UFL1: variants seen among roughly 807,000 people sequenced by gnomAD.
UFL1 encodes the protein UFM1 specific ligase 1.
Under a neutral mutation model 99.3 loss-of-function variants are expected in UFL1, and 78 were observed. The ratio of observed to expected loss-of-function variants is 0.79; its 90% CI spans 0.65 to 0.95. UFL1 has a LOEUF of 0.95. Among genes scored for constraint, UFL1 ranks in the 40% least tolerant of loss-of-function variants. The pLI, the probability that UFL1 is intolerant of heterozygous loss-of-function variation, is 0.00. For synonymous variants in UFL1, 335 were observed against 322.2 expected (o/e 1.04, Z -0.42); for missense variants, 936 against 937.0 (o/e 1.00, Z 0.01).
At position 96,554,871 on chromosome 6, in the gene UFL1, T is replaced by A. The variant is rs1474207466; in HGVS notation, c.*1368T>A. ...GGCAAAGGGAAAAAATGATAAATCC[T>A]CTGTAATCACAAACCCCAATTTCGT... On this transcript the variant is annotated 3_prime_UTR_variant, in exon 19 of 19. Coordinates refer to ENST00000369278, the MANE Select transcript of UFL1 (RefSeq NM_015323.5). 6.6e-6 allele frequency: 1 copy of A among 152,590 alleles called. No homozygotes were observed. The highest frequency in any genetic ancestry group is 2.4e-5 in the African/African-American group (1 of 41,460). 9.5% of individuals were successfully genotyped at this position (152,590 alleles called of 1,614,324 possible).
rs767865199 is a variant in UFL1, at chr6:96,542,997, A to C, written c.1383A>C (p.Glu461Asp). 2.5e-6 allele frequency: 4 copies of C among 1,596,718 alleles called. No homozygotes were observed. In the South Asian group the frequency reaches 3.4e-5, roughly 14 times the overall value. The change falls in exon 12 of 19, where the codon GAA becomes GAC. Residue 461 changes from glutamate (E) to aspartate (D), a missense_variant. Transcript: ENST00000369278. Reference sequence around the variant, plus strand: ...GAAAAGATGATGATAGTGATGATGAATCTCAATCATCCCACACTGGTAGGT... The same window carrying C: ...GAAAAGATGATGATAGTGATGATGACTCTCAATCATCCCACACTGGTAGGT... ...KGRKDDDSDD[E>D]SQSSHTGKKK...
chr6:96,528,327 T>TA (rs1049672025), intron 5 of UFL1, among the ~76,000 whole-genome samples, 175 bp from the exon 6 acceptor site: 4 of 152,226 alleles, frequency 2.6e-5, no homozygotes, highest in Admixed American at 6.5e-5. Flanking sequence ...TAGTGAACTT[T>TA]GCTAGACACT....
intron 10 of UFL1, 120 bp downstream of exon 10, chr6:96,538,930 T>A (rs1447682059): frequency 2.1e-5 from 18 of 870,488 alleles, no homozygotes; most frequent in Non-Finnish European, 2.3e-5. Flanking sequence ...ATTATTTTCC[T>A]TTAATGTATC....
In UFL1 at chr6:96,552,508, C is replaced by T. The variant is rs1770097433; in HGVS notation, c.2012C>T (p.Ala671Val). The change falls in exon 18 of 19, where the codon GCA (alanine) becomes GTA (valine). Residue 671 changes from alanine to valine, a missense_variant. Transcript: ENST00000369278. ...CAGATACTGTTCCAACATCGACAAG[C>T]ACTGGCTGAACAGCTAAAGGTCACA... ...ERQILFQHRQ[A>V]LAEQLKVTED... The T allele has an allele frequency of 6.3e-7, 1 of 1,596,398 alleles. No individual in the cohort carries two copies. Among genetic ancestry groups the T allele is most frequent in the Admixed American group, 1.8e-5 (1 of 56,418 alleles).
intron 12 of UFL1, among the ~76,000 whole-genome samples, chr6:96,543,514 A>G (rs1192250026): frequency 6.6e-6 from 1 of 151,294 alleles, no homozygotes; most frequent in African/African-American, 2.4e-5. Flanking sequence ...AAAAGTGATA[A>G]CACTGAAAAT....
intron 7 of UFL1, 47 bp downstream of exon 7, chr6:96,534,368 CTATT>C: frequency 1.5e-6 from 2 of 1,308,802 alleles, no homozygotes; most frequent in Non-Finnish European, 2.1e-6. Flanking sequence ...GCTGAATAGA[CTATT>C]AATGTAAAAC....
chr6:96,551,282 T>C (rs1395106325), intron 15 of UFL1, 151 bp from the exon 16 acceptor site: 1 of 521,528 alleles, frequency 1.9e-6, no homozygotes, highest in Non-Finnish European at 3.4e-6. Context: ...CTATTGACTC[T>C]AATAATGTTT....
At chr6:96,549,156 T>C (rs1406188378) in intron 13 of UFL1, among the ~76,000 whole-genome samples, 1 of 151,736 alleles carries the variant, frequency 6.6e-6, no homozygotes, top group African/African-American at 2.4e-5. Flanking sequence ...TTTTGAATTA[T>C]GGGGGTTTTG....
intron 11 of UFL1, 40 bp from the exon 12 acceptor site, chr6:96,542,854 T>G: frequency 6.7e-7 from 1 of 1,498,210 alleles, no homozygotes; most frequent in South Asian, 1.4e-5. Flanking sequence ...AAAATGATGA[T>G]TTAGTTAGGT....
chr6:96,537,448 C>T lies in UFL1; in HGVS notation c.877C>T (p.Leu293Phe), dbSNP rs1562253742. ...AAAGAAAAGATATAAGACTACACAA[C>T]TCTTGTTTTTGAAAGCAGCTTGTGT... ...YIKKRYKTTQ[L>F]LFLKAACVGQ... Residue 293 changes from leucine (L) to phenylalanine (F), a missense_variant, in exon 9 of 19, where the codon CTC becomes TTC. Transcript: ENST00000369278. The T allele has an allele frequency of 6.2e-6, 10 of 1,610,164 alleles. No individual in the cohort carries two copies. The highest frequency in any genetic ancestry group is 8.5e-6 in the Non-Finnish European group (10 of 1,177,942).
intron 12 of UFL1, among the ~76,000 whole-genome samples, chr6:96,544,669 T>C (rs958757840): frequency 5.3e-5 from 8 of 151,096 alleles, no homozygotes; most frequent in African/African-American, 1.9e-4. Context: ...AACTACTAGC[T>C]TTATCCTTAT....
At chr6:96,552,872 TA>T (rs2127954037) in intron 18 of UFL1, among the ~76,000 whole-genome samples, 3 of 152,210 alleles carry the variant, frequency 2.0e-5, no homozygotes, top group Admixed American at 2.0e-4. Flanking sequence ...ATTTGGAAAT[TA>T]AGCTTTCAGA....
At chr6:96,535,955 A>C (rs1769846665) in intron 7 of UFL1, among the ~76,000 whole-genome samples, 1 of 152,040 alleles carries the variant, frequency 6.6e-6, no homozygotes. Flanking sequence ...TTTCACCAAA[A>C]TTACTCAAAC....
chr6:96,529,643 C>G (rs1769753173), intron 6 of UFL1, among the ~76,000 whole-genome samples: 1 of 152,176 alleles, frequency 6.6e-6, no homozygotes, highest in African/African-American at 2.4e-5. Context: ...GTTACCTTTT[C>G]TAGCTCTTTC....
chr6:96,549,521 G>A lies in UFL1; in HGVS notation c.1630G>A (p.Val544Ile). ...CACAATCAAGGACTTGCAAGAAGAA[G>A]TTTCAAACCTGTACAATAACATTAG... ...KRTIKDLQEE[V>I]SNLYNNIRLF... Residue 544 changes from valine to isoleucine, a missense_variant, in exon 14 of 19, where the codon GTT (valine) becomes ATT (isoleucine). Val to Ile is a conservative substitution (Grantham distance 29). Coordinates refer to ENST00000369278, the MANE Select transcript of UFL1 (RefSeq NM_015323.5). 6.3e-7 allele frequency: 1 copy of A among 1,594,062 alleles called. No homozygotes were observed. The highest frequency in any genetic ancestry group is 8.5e-7 in the Non-Finnish European group (1 of 1,173,850).
At position 96,526,919 on chromosome 6, in the gene UFL1, C is replaced by T. The variant is rs953660164; in HGVS notation, c.465+484C>T. ...ATCCTACAATGTACAGAACATCCTG[C>T]CAACAAAGAATTTTTTTGTTCCAAC... On this transcript the variant is annotated intron_variant, in intron 5 of 18. Coordinates refer to ENST00000369278, the MANE Select transcript of UFL1 (RefSeq NM_015323.5). 5.9e-5 allele frequency among the ~76,000 whole-genome samples: 9 copies of T among 152,248 alleles called. No homozygotes were observed. The East Asian group carries it at 1.7e-3, about 29-fold the overall frequency.
chr6:96,538,658 G>T lies in UFL1; in HGVS notation c.1006G>T (p.Glu336Ter), dbSNP rs778907687. ...APLLPTSLSV[E>*]DAAILLQQVM... ...TCTGCTACCCACTTCTTTATCAGTT[G>T]AAGATGCTGCCATATTGCTTCAGCA... Residue 336 changes from glutamate to a stop codon, truncating the protein, a stop_gained, in exon 10 of 19, where the codon GAA (glutamate) becomes TAA (stop). Coordinates refer to ENST00000369278, the MANE Select transcript of UFL1 (RefSeq NM_015323.5). LOFTEE classifies it high-confidence loss of function. The T allele has an allele frequency of 4.3e-5, 69 of 1,610,826 alleles. No individual in the cohort carries two copies. The highest frequency in any genetic ancestry group is 5.8e-5 in the Non-Finnish European group (68 of 1,177,950).
At position 96,548,213 on chromosome 6, in the gene UFL1, T is replaced by A. The variant is rs752381197; in HGVS notation, c.1452T>A (p.Asp484Glu). The change falls in exon 13 of 19, where the codon GAT (aspartate) becomes GAA (glutamate). Residue 484 changes from aspartate to glutamate, a missense_variant. Transcript: ENST00000369278. Reference sequence around the variant, plus strand: ...TTATGTTCCAGGATGAGATTGAAGATTTTTTAAGAAAACACATACAAGATG... The same window carrying A: ...TTATGTTCCAGGATGAGATTGAAGAATTTTTAAGAAAACACATACAAGATG... The part of the protein sequence containing the change: ...ISFMFQDEIE[D>E]FLRKHIQDAP... 6.2e-7 allele frequency: 1 copy of A among 1,607,940 alleles called. No homozygotes were observed.
At position 96,554,870 on chromosome 6, in the gene UFL1, C is replaced by A. The variant is rs948354630; in HGVS notation, c.*1367C>A. On this transcript the variant is annotated 3_prime_UTR_variant, in exon 19 of 19. Transcript: ENST00000369278. ...GGGCAAAGGGAAAAAATGATAAATC[C>A]TCTGTAATCACAAACCCCAATTTCG... 1.3e-5 allele frequency: 2 copies of A among 152,440 alleles called. No individual in the cohort carries two copies. Among genetic ancestry groups the A allele is most frequent in the African/African-American group, 4.8e-5 (2 of 41,422 alleles). The allele number at this position is 152,440 out of a possible 1,614,324, so 9.4% of individuals were successfully genotyped here. A position where few individuals can be genotyped will look rare whatever the true frequency, so the allele number is the denominator to read the frequency against.
Sources: gnomAD v4.1 joint callset for allele counts (sites outside exome capture counted in the v4.1 genomes callset) on GRCh38, gnomAD v4.1.1 for gene constraint, MANE v1.5 for transcripts, NCBI Gene and HGNC (gene_info 2026-07-23, HGNC 2026-07-21) for gene names.